PPP1R42: variants seen among roughly 807,000 people sequenced by gnomAD.
PPP1R42 encodes the protein leucine rich repeat containing 67.
A neutral mutation model predicts 31.0 loss-of-function variants in PPP1R42; 34 were observed. That is an observed-to-expected ratio of 1.10 (90% CI 0.83 to 1.46). The LOEUF (loss-of-function observed/expected upper bound fraction) is 1.46. PPP1R42 is among the 40% of genes most tolerant of loss of function. The probability of loss-of-function intolerance (pLI) is 0.00; values close to 1 mark genes in which losing one functional copy is unlikely to be tolerated. For missense variants in PPP1R42, 268 were observed against 303.0 expected (o/e 0.88, Z 0.86); for synonymous variants, 103 against 109.8 (o/e 0.94, Z 0.39).
chr8:66,991,518 C>G (rs1240499380), intron 5 of PPP1R42, among the ~76,000 whole-genome samples: 2 of 152,190 alleles, frequency 1.3e-5, no homozygotes, highest in Non-Finnish European at 2.9e-5. Flanking sequence ...CTTTCGCCTT[C>G]TCTTCAGTGG....
chr8:67,017,513 T>C (rs1199313477), intron 2 of PPP1R42, 106 bp downstream of exon 2: 2 of 594,168 alleles, frequency 3.4e-6, no homozygotes, highest in African/African-American at 3.9e-5. Flanking sequence ...AAAAAGTTAA[T>C]AAGAATAATG....
At chr8:67,008,460 C>T (rs919729199) in intron 5 of PPP1R42, among the ~76,000 whole-genome samples, 5 of 152,096 alleles carry the variant, frequency 3.3e-5, no homozygotes, top group African/African-American at 1.2e-4. Context: ...GTAATCCTAG[C>T]ACTTTGGGAG....
At chr8:67,014,675 C>T (rs140301023) in intron 2 of PPP1R42, 83 bp from the exon 3 acceptor site, 1 of 917,614 alleles carries the variant, frequency 1.1e-6, no homozygotes, top group East Asian at 2.7e-5. Flanking sequence ...TTCAGTTGAT[C>T]ATTCTACAAA....
At chr8:66,983,071 C>A (rs1035656409) in intron 6 of PPP1R42, among the ~76,000 whole-genome samples, 1 of 151,702 alleles carries the variant, frequency 6.6e-6, no homozygotes, top group Admixed American at 6.6e-5. Flanking sequence ...ATAGAAATTG[C>A]GCTTCATAAA....
intron 6 of PPP1R42, chr8:66,984,317 C>T (rs892349545): frequency 1.6e-5 from 21 of 1,290,788 alleles, no homozygotes; most frequent in Non-Finnish European, 2.0e-5. Context: ...TTCTTCACAG[C>T]TTCCTCATCA....
intron 1 of PPP1R42, among the ~76,000 whole-genome samples, chr8:67,020,756 T>A (rs1251927717): frequency 6.6e-6 from 1 of 152,242 alleles, no homozygotes; most frequent in Non-Finnish European, 1.5e-5. Flanking sequence ...AAGTTTATCT[T>A]AACTGTATCA....
intron 7 of PPP1R42, among the ~76,000 whole-genome samples, chr8:66,971,641 AT>A (rs1814541656): frequency 6.6e-6 from 1 of 152,164 alleles, no homozygotes; most frequent in South Asian, 2.1e-4. Context: ...TGCTTAATAA[AT>A]GTTTATTAAA....
intron 3 of PPP1R42, among the ~76,000 whole-genome samples, chr8:67,013,526 C>CTAAA (rs57947189): frequency 0.089 from 13,052 of 146,136 alleles, 825 homozygotes; most frequent in African/African-American, 0.16. Context: ...GATCCCATCT[C>CTAAA]TAAATAAATA....
At chr8:67,015,104 C>T (rs1057043397) in intron 2 of PPP1R42, among the ~76,000 whole-genome samples, 5 of 152,040 alleles carry the variant, frequency 3.3e-5, no homozygotes, top group South Asian at 4.2e-4. Flanking sequence ...CCATAACCTC[C>T]GCCTCCTGGG....
chr8:66,969,339 G>A (rs1814475311), intron 7 of PPP1R42, among the ~76,000 whole-genome samples: 1 of 152,196 alleles, frequency 6.6e-6, no homozygotes, highest in Admixed American at 6.5e-5. Context: ...GAACACTGTT[G>A]TGGAATTGAT....
chr8:66,968,539 AG>A, intron 7 of PPP1R42: 2 of 951,860 alleles, frequency 2.1e-6, no homozygotes, highest in Non-Finnish European at 2.5e-6. Context: ...AATTAAGGCA[AG>A]GGGTAGCTTT....
chr8:67,015,024 A>AT (rs1039488657), intron 2 of PPP1R42, among the ~76,000 whole-genome samples: 19 of 151,416 alleles, frequency 1.3e-4, no homozygotes, highest in African/African-American at 2.9e-4. Context: ...GATTATTATT[A>AT]TTTTTTTTTC....
chr8:66,984,068 A>G, intron 6 of PPP1R42: 5 of 1,471,634 alleles, frequency 3.4e-6, no homozygotes, highest in Non-Finnish European at 4.7e-6. Flanking sequence ...GGGTTGGGAA[A>G]CAGAATAAGT....
At chr8:67,017,940 A>G (rs1287326137) in intron 1 of PPP1R42, 109 bp from the exon 2 acceptor site, 2 of 472,110 alleles carry the variant, frequency 4.2e-6, no homozygotes, top group African/African-American at 2.0e-5. Flanking sequence ...TTGATAAGCT[A>G]GTTTATAGAC....
intron 5 of PPP1R42, among the ~76,000 whole-genome samples, chr8:67,002,640 T>C (rs1210597914): frequency 6.6e-6 from 1 of 151,748 alleles, no homozygotes; most frequent in Non-Finnish European, 1.5e-5. Flanking sequence ...TTTGGCAATT[T>C]TGGGGCCACT....
chr8:66,972,597 C>A (rs1335235318), intron 7 of PPP1R42, among the ~76,000 whole-genome samples: 1 of 152,064 alleles, frequency 6.6e-6, no homozygotes, highest in African/African-American at 2.4e-5. Context: ...ACCATGTTGG[C>A]CAGGCTGGTC....
Position 67,028,461 on chromosome 8 carries a change from C to T in PPP1R42, c.-85+30G>A, listed in dbSNP as rs1050114098. On this transcript the variant is annotated intron_variant, in intron 1 of 7. Transcript: ENST00000685739. ...AACATGGTTCTAGGGTTTCCTCGGTCCCCACGCTTATTCCCCGCGGGCAGC... is the reference window on the plus strand; with the variant it reads ...AACATGGTTCTAGGGTTTCCTCGGTTCCCACGCTTATTCCCCGCGGGCAGC... 4.1e-6 allele frequency: 4 copies of T among 984,712 alleles called. No individual in the cohort carries two copies. The African/African-American group carries it at 7.0e-5, about 17-fold the overall frequency. 61.0% of individuals were successfully genotyped at this position (984,712 alleles called of 1,614,324 possible). A position where few individuals can be genotyped will look rare whatever the true frequency, so the allele number is the denominator to read the frequency against.
At chr8:66,980,787 T>A (rs918325305) in intron 7 of PPP1R42, among the ~76,000 whole-genome samples, 1 of 152,004 alleles carries the variant, frequency 6.6e-6, no homozygotes, top group Non-Finnish European at 1.5e-5. Flanking sequence ...AACACTATCA[T>A]GGAAAGGAGG....
At chr8:66,980,232 T>G (rs1814787296) in intron 7 of PPP1R42, among the ~76,000 whole-genome samples, 1 of 152,150 alleles carries the variant, frequency 6.6e-6, no homozygotes, top group South Asian at 2.1e-4. Context: ...ATAATTTATA[T>G]TCTTTATTTT....
Sources: allele counts gnomAD v4.1 joint callset (sites outside exome capture counted in the v4.1 genomes callset), GRCh38; gene constraint gnomAD v4.1.1; transcripts MANE v1.5; gene names NCBI Gene and HGNC (gene_info 2026-07-23, HGNC 2026-07-21).